Variants in MT4 observed in about 807,000 individuals in gnomAD.
The protein encoded by MT4 is metallothionein-4.
A neutral mutation model predicts 9.5 loss-of-function variants in MT4; 11 were observed. The observed-to-expected ratio is 1.16, with a 90% confidence interval of 0.73 to 1.92. The LOEUF is 1.92. Among genes scored for constraint, MT4 ranks in the 30% most tolerant of loss-of-function variants. The pLI is 0.00. For synonymous variants in MT4, 29 were observed against 24.6 expected (o/e 1.18, Z -0.53); for missense variants, 88 against 78.7 (o/e 1.12, Z -0.45).
In MT4 at chr16:56,568,827, C is replaced by A; in HGVS notation, c.98-14C>A. The A allele has an allele frequency of 6.3e-7, 1 of 1,575,880 alleles. No homozygotes were observed. The highest frequency in any genetic ancestry group is 8.6e-7 in the Non-Finnish European group (1 of 1,159,926). On this transcript the variant is annotated splice_polypyrimidine_tract_variant and intron_variant, in intron 2 of 2. Transcript: ENST00000219162. ...TGACCCACAGCGGATCTGCGCATCT[C>A]CTGACTCTTTCAGGCTGCTGTCCCT... is the stretch of plus-strand genomic sequence containing the variant.
At chr16:56,568,806 C>A (rs747618689) in intron 2 of MT4, 35 bp from the exon 3 acceptor site, 4 of 1,469,576 alleles carry the variant, frequency 2.7e-6, no homozygotes, top group Non-Finnish European at 3.7e-6. Context: ...AAGTGTTGAC[C>A]CACAGCGGAT....
At chr16:56,567,890 C>T (rs1330904661) in intron 2 of MT4, 74 bp downstream of exon 2, 32 of 1,280,646 alleles carry the variant, frequency 2.5e-5, no homozygotes, top group Middle Eastern at 3.8e-4. Context: ...CAGTGGCTCA[C>T]GTCTGTAATC....
chr16:56,565,150 T>C lies in MT4; in HGVS notation c.22T>C (p.Cys8Arg), dbSNP rs764997543. Residue 8 changes from cysteine to arginine, a missense_variant, in exon 1 of 3, where the codon TGC (cysteine) becomes CGC (arginine). Coordinates refer to ENST00000219162, the MANE Select transcript of MT4 (RefSeq NM_032935.3). ...GACCATGGACCCCAGGGAATGTGTC[T>C]GCATGTCTGGTGAGTAAAGAAGCCC... Reference protein sequence around the residue: MDPRECVCMSGGICMCGD... With the variant: MDPRECVRMSGGICMCGD... 21 of 1,613,026 alleles carry C rather than the reference T, an allele frequency of 1.3e-5. No individual in the cohort carries two copies. Among genetic ancestry groups the C allele is most frequent in the Non-Finnish European group, 1.1e-5 (13 of 1,179,534 alleles).
intron 1 of MT4, among the ~76,000 whole-genome samples, chr16:56,566,227 G>T (rs1410605248): frequency 1.3e-5 from 2 of 151,952 alleles, no homozygotes; most frequent in East Asian, 3.9e-4. Flanking sequence ...AAGTGTAGAT[G>T]ATCATTATGA....
chr16:56,568,217 A>G (rs1174562916), intron 2 of MT4, among the ~76,000 whole-genome samples: 74 of 26,504 alleles, frequency 2.8e-3, no homozygotes, highest in African/African-American at 5.3e-3. Context: ...GAGAGAGAGA[A>G]AGAAAGAAAG....
At position 56,566,769 on chromosome 16, in the gene MT4, GGAAA is replaced by G. The variant is rs1162747493; in HGVS notation, c.32-933_32-930del. 7.8e-3 allele frequency among the ~76,000 whole-genome samples: 288 copies of G among 36,896 alleles called. 2 individuals are homozygous for G. The highest frequency in any genetic ancestry group is 0.068 in the East Asian group (106 of 1,568). The allele number at this position is 36,896 out of a possible 152,430, so 24.2% of individuals were successfully genotyped here. On this transcript the variant is annotated intron_variant, in intron 1 of 2. Coordinates refer to ENST00000219162, the MANE Select transcript of MT4 (RefSeq NM_032935.3). ...AAGAAGGAAGGAAGGAAGGAAGGAA[GGAAA>G]GAAAGAAAGAAAGAAAGAAAGAAAG...
chr16:56,568,367 A>T (rs762881208), intron 2 of MT4, among the ~76,000 whole-genome samples: 23 of 152,064 alleles, frequency 1.5e-4, no homozygotes, highest in Non-Finnish European at 5.9e-5. Context: ...TCCTCCAGCC[A>T]TGGTGGATTG....
intron 1 of MT4, 117 bp from the exon 2 acceptor site, chr16:56,567,634 G>A (rs1284092076): frequency 1.1e-5 from 10 of 898,740 alleles, no homozygotes; most frequent in Non-Finnish European, 1.8e-5. Flanking sequence ...CTCTTGTCCA[G>A]CCAGTCCCCA....
chr16:56,567,709 T>C (rs773698315), intron 1 of MT4, 42 bp from the exon 2 acceptor site: 2 of 1,589,476 alleles, frequency 1.3e-6, no homozygotes, highest in Non-Finnish European at 1.7e-6. Context: ...CCCCACTCCA[T>C]CTCCATCCTC....
chr16:56,568,281 G>T (rs1567330680), intron 2 of MT4, among the ~76,000 whole-genome samples: 1 of 125,382 alleles, frequency 8.0e-6, no homozygotes, highest in Non-Finnish European at 1.6e-5. Flanking sequence ...GAGAAAGAAA[G>T]AAAGAAAGAA....
chr16:56,566,700 GAGAAAGAAAGAAAGAA>G lies in MT4; in HGVS notation c.32-1018_32-1003del, dbSNP rs779895274. ...GAGAAAAAGAAAAGAAAGAAAGAAAGAGAAAGAAAGAAAGAAAGAAAGAAAGAAAGAAAGAAAGAAA... is the reference window on the plus strand; with the variant it reads ...GAGAAAAAGAAAAGAAAGAAAGAAAGAGAAAGAAAGAAAGAAAGAAAGAAA... On this transcript the variant is annotated intron_variant, in intron 1 of 2. Coordinates refer to ENST00000219162, the MANE Select transcript of MT4 (RefSeq NM_032935.3). Among the ~76,000 whole-genome samples, 244 of 73,298 alleles carry G rather than the reference GAGAAAGAAAGAAAGAA, an allele frequency of 3.3e-3. 1 individual carries two copies. Among genetic ancestry groups the G allele is most frequent in the African/African-American group, 8.3e-3 (137 of 16,528 alleles). 48.1% of individuals were successfully genotyped at this position (73,298 alleles called of 152,430 possible).
chr16:56,568,202 AG>A (rs1316334174), intron 2 of MT4, among the ~76,000 whole-genome samples: 6 of 67,670 alleles, frequency 8.9e-5, no homozygotes, highest in South Asian at 1.3e-3. Context: ...GAAGGAAGAG[AG>A]AGAGAGAGAG....
intron 1 of MT4, 111 bp from the exon 2 acceptor site, chr16:56,567,640 C>A (rs1242631103): frequency 4.1e-6 from 4 of 965,998 alleles, no homozygotes; most frequent in South Asian, 1.4e-5. Context: ...TCCAGCCAGT[C>A]CCCAAGGATA....
In MT4 at chr16:56,565,150, T is replaced by TG; in HGVS notation, c.23dup (p.Cys8TrpfsTer21). 6.2e-7 allele frequency: 1 copy of TG among 1,613,026 alleles called. No homozygotes were observed. Among genetic ancestry groups the TG allele is most frequent in the Non-Finnish European group, 8.5e-7 (1 of 1,179,534 alleles). The stretch of plus-strand genomic sequence containing the variant: ...GACCATGGACCCCAGGGAATGTGTC[T>TG]GCATGTCTGGTGAGTAAAGAAGCCC... On this transcript the variant is annotated frameshift_variant, in exon 1 of 3. Transcript: ENST00000219162. LOFTEE classifies it high-confidence loss of function.
rs1380103059 is a variant in MT4, at chr16:56,566,868, GAGGA to G, written c.32-872_32-869del. Reference sequence around the variant, plus strand: ...GAAAGAAAGAAAGAAATGAGGGAGAGAGGAAGGAAGGAAGAAAGGAAAGGAAGAA... The same window carrying G: ...GAAAGAAAGAAAGAAATGAGGGAGAGAGGAAGGAAGAAAGGAAAGGAAGAA... On this transcript the variant is annotated intron_variant, in intron 1 of 2. Coordinates refer to ENST00000219162, the MANE Select transcript of MT4 (RefSeq NM_032935.3). Among the ~76,000 whole-genome samples the G allele has an allele frequency of 8.8e-5, 13 of 148,556 alleles. No individual in the cohort carries two copies. The East Asian group carries it at 1.8e-3, about 20-fold the overall frequency.
At chr16:56,568,249 A>AGAGAGAG (rs1567330579) in intron 2 of MT4, among the ~76,000 whole-genome samples, 2 of 45,070 alleles carry the variant, frequency 4.4e-5, no homozygotes, top group South Asian at 9.8e-4. Flanking sequence ...GAAAGAAAGA[A>AGAGAGAG]AGAAAGAAAG....
intron 2 of MT4, among the ~76,000 whole-genome samples, chr16:56,568,214 AG>A (rs1959565207): frequency 1.2e-4 from 3 of 24,742 alleles, no homozygotes; most frequent in African/African-American, 2.3e-4. Flanking sequence ...AGAGAGAGAG[AG>A]AAAGAAAGAA....
At chr16:56,568,223 GAAAGAA>G in intron 2 of MT4, among the ~76,000 whole-genome samples, 1 of 49,376 alleles carries the variant, frequency 2.0e-5, no homozygotes, top group Admixed American at 2.2e-4. Context: ...GAGAAAGAAA[GAAAGAA>G]AGAAAGAAAG....
rs373342776 is a variant in MT4 at position 56,567,695 on chromosome 16, T to G, written c.32-56T>G. On this transcript the variant is annotated intron_variant, in intron 1 of 2. Transcript: ENST00000219162. ...CTCTGACAGTCGGCATCATGCCTTA[T>G]GTTCCCCACTCCATCTCCATCCTCA... 154 of 1,532,456 alleles carry G rather than the reference T, an allele frequency of 1.0e-4. 1 individual carries two copies. The African/African-American group carries it at 1.6e-3, about 16-fold the overall frequency. The allele number at this position is 1,532,456 out of a possible 1,614,324, so 94.9% of individuals were successfully genotyped here.
Sources: allele counts gnomAD v4.1 joint callset (sites outside exome capture counted in the v4.1 genomes callset), GRCh38; gene constraint gnomAD v4.1.1; transcripts MANE v1.5; gene names NCBI Gene and HGNC (gene_info 2026-07-23, HGNC 2026-07-21).